PRDX2: variants seen among roughly 807,000 people sequenced by gnomAD.
PRDX2 encodes the protein peroxiredoxin 2.
A neutral mutation model predicts 19.8 loss-of-function variants in PRDX2; 10 were observed. The observed-to-expected ratio is 0.50, with a 90% CI of 0.31 to 0.86. The LOEUF (loss-of-function observed/expected upper bound fraction) is 0.86. PRDX2 is among the 40% of genes least tolerant of loss of function. The probability of loss-of-function intolerance (pLI) is 0.04; values close to 1 mark genes in which losing one functional copy is unlikely to be tolerated. For synonymous variants in PRDX2, 118 were observed against 108.2 expected (o/e 1.09, Z -0.56); for missense variants, 226 against 260.1 (o/e 0.87, Z 0.90).
chr19:12,801,014 G>C lies in PRDX2; in HGVS notation c.159C>G (p.Thr53=). The change falls in exon 3 of 6, where the codon ACC becomes ACG. Residue 53 remains threonine, a synonymous_variant. Coordinates refer to ENST00000301522, the MANE Select transcript of PRDX2 (RefSeq NM_005809.6). ...CACGGTTGCTGAACGCGATGATCTC[G>C]GTGGGGCACACAAAAGTGAAGTCCA... The part of the protein sequence containing the change: ...YPLDFTFVCP[T]EIIAFSNRAE... 1.9e-6 allele frequency: 3 copies of C among 1,612,324 alleles called. No individual in the cohort carries two copies. The highest frequency in any genetic ancestry group is 2.5e-6 in the Non-Finnish European group (3 of 1,179,350).
chr19:12,800,673 A>G, intron 3 of PRDX2: 1 of 1,437,842 alleles, frequency 7.0e-7, no homozygotes, highest in Non-Finnish European at 9.2e-7. Flanking sequence ...CCTCCTGGGA[A>G]CTAAGTACAT....
chr19:12,801,401 G>A (rs1308671689), intron 1 of PRDX2, 131 bp from the exon 2 acceptor site: 53 of 998,702 alleles, frequency 5.3e-5, no homozygotes, highest in Non-Finnish European at 7.6e-5. Context: ...ACCCTCCCGG[G>A]TACCCGGTCT....
In PRDX2 at chr19:12,799,920, G is replaced by A. The variant is rs751749262; in HGVS notation, c.450C>T (p.Arg150=). The change falls in exon 5 of 6, where the codon CGC becomes CGT. Residue 150 remains arginine, a synonymous_variant. Transcript: ENST00000301522. ...CCAGCCGCAGAGCCTCATCCACGGA[G>A]CGTCCCACAGGCAAATCATTAACAG... is the stretch of plus-strand genomic sequence containing the variant. ...QITVNDLPVG[R]SVDEALRLVQ... 15 of 1,613,778 alleles carry A rather than the reference G, an allele frequency of 9.3e-6. No homozygotes were observed. Among genetic ancestry groups the A allele is most frequent in the Non-Finnish European group, 1.3e-5 (15 of 1,179,980 alleles).
At chr19:12,800,337 C>T in intron 3 of PRDX2, 38 bp from the exon 4 acceptor site, 2 of 1,596,260 alleles carry the variant, frequency 1.3e-6, no homozygotes, top group Non-Finnish European at 1.7e-6. Flanking sequence ...CCTCAGGATG[C>T]CTGGCACAGC....
rs760367085 is a variant in PRDX2 at position 12,801,172 on chromosome 19, C to A, written c.90G>T (p.Leu30=). 6.2e-7 allele frequency: 1 copy of A among 1,614,044 alleles called. No homozygotes were observed. Among genetic ancestry groups the A allele is most frequent in the East Asian group, 2.2e-5 (1 of 44,886 alleles). The part of the protein sequence containing the change: ...VVDGAFKEVK[L]SDYKGKYVVL... ...GGCGGCGCTCACCTTTGTAGTCCGA[C>A]AGCTTCACCTCTTTGAAGGCGCCAT... is the stretch of plus-strand genomic sequence containing the variant. The change falls in exon 2 of 6, where the codon CTG becomes CTT. Residue 30 remains leucine (L), a synonymous_variant. Coordinates refer to ENST00000301522, the MANE Select transcript of PRDX2 (RefSeq NM_005809.6).
intron 1 of PRDX2, 126 bp downstream of exon 1, chr19:12,801,614 C>G: frequency 2.5e-6 from 1 of 402,608 alleles, no homozygotes; most frequent in Non-Finnish European, 4.6e-6. Context: ...GCCTCGGTTT[C>G]CCCCGCAAGG....
chr19:12,798,236 A>C (rs1300995990), intron 5 of PRDX2, among the ~76,000 whole-genome samples: 1 of 151,828 alleles, frequency 6.6e-6, no homozygotes, highest in Non-Finnish European at 1.5e-5. Context: ...TAGTAGAGAC[A>C]GGGTTTCACC....
chr19:12,800,691 A>G, intron 3 of PRDX2: 1 of 1,463,690 alleles, frequency 6.8e-7, no homozygotes, highest in South Asian at 1.4e-5. Flanking sequence ...CATAGAGTAG[A>G]TAGAGTTGCA....
At chr19:12,799,705 C>A in intron 5 of PRDX2, 154 bp downstream of exon 5, 1 of 1,077,384 alleles carries the variant, frequency 9.3e-7, no homozygotes. Flanking sequence ...TGTCTCCTAC[C>A]ACATTAGAAA....
At chr19:12,798,454 C>G (rs1480527068) in intron 5 of PRDX2, among the ~76,000 whole-genome samples, 1 of 151,542 alleles carries the variant, frequency 6.6e-6, no homozygotes, top group Admixed American at 6.6e-5. Context: ...CAGCTTCAAA[C>G]GATTCTCTTG....
Position 12,800,031 on chromosome 19 carries a change from A to G in PRDX2, c.381-42T>C, listed in dbSNP as rs1238927562. The G allele has an allele frequency of 1.9e-6, 3 of 1,607,932 alleles. No individual in the cohort carries two copies. In the African/African-American group the frequency reaches 4.0e-5, roughly 22 times the overall value. On this transcript the variant is annotated intron_variant, in intron 4 of 5. Coordinates refer to ENST00000301522, the MANE Select transcript of PRDX2 (RefSeq NM_005809.6). Reference sequence around the variant, plus strand: ...TCCCAGTGAGGAGCTGATAGCTCCCACTGCCAGAGACAAGGAAGGGACTAC... The same window carrying G: ...TCCCAGTGAGGAGCTGATAGCTCCCGCTGCCAGAGACAAGGAAGGGACTAC...
intron 3 of PRDX2, chr19:12,800,678 G>A: frequency 1.4e-6 from 2 of 1,447,292 alleles, no homozygotes; most frequent in Non-Finnish European, 1.8e-6. Flanking sequence ...TGGGAACTAA[G>A]TACATAGAGT....
intron 5 of PRDX2, among the ~76,000 whole-genome samples, chr19:12,797,474 C>A (rs1968810933): frequency 6.6e-6 from 1 of 151,878 alleles, no homozygotes; most frequent in Non-Finnish European, 1.5e-5. Flanking sequence ...AGGTGCACCA[C>A]CACGCCTGGC....
chr19:12,798,731 C>T (rs1968837597), intron 5 of PRDX2, among the ~76,000 whole-genome samples: 1 of 148,248 alleles, frequency 6.7e-6, no homozygotes, highest in Non-Finnish European at 1.5e-5. Flanking sequence ...GCTATGTTGC[C>T]TAGGCTCGAC....
intron 5 of PRDX2, 105 bp from the exon 6 acceptor site, chr19:12,797,271 C>A (rs1285725897): frequency 2.2e-6 from 2 of 899,508 alleles, no homozygotes; most frequent in African/African-American, 1.7e-5. Context: ...GCAAGTGGTC[C>A]AGGCCCAGGA....
At chr19:12,798,036 T>C (rs1248736552) in intron 5 of PRDX2, among the ~76,000 whole-genome samples, 1 of 151,692 alleles carries the variant, frequency 6.6e-6, no homozygotes, top group Non-Finnish European at 1.5e-5. Context: ...CTCTCCTTTT[T>C]CTTCTTTTTT....
At chr19:12,799,768 T>A in intron 5 of PRDX2, 91 bp downstream of exon 5, 1 of 1,520,960 alleles carries the variant, frequency 6.6e-7, no homozygotes, top group Non-Finnish European at 8.9e-7. Context: ...CTAACACCCA[T>A]CTGGACAGGT....
chr19:12,799,959 G>A lies in PRDX2; in HGVS notation c.411C>T (p.Val137=), dbSNP rs749147781. 5.0e-6 allele frequency: 8 copies of A among 1,613,864 alleles called. No individual in the cohort carries two copies. Among genetic ancestry groups the A allele is most frequent in the Non-Finnish European group, 6.8e-6 (8 of 1,179,962 alleles). ...RGLFIIDGKG[V]LRQITVNDLP... Reference sequence around the variant, plus strand: ...AATCATTAACAGTGATCTGGCGAAGGACACCCTTGCCATCGATGATAAAGA... The same window carrying A: ...AATCATTAACAGTGATCTGGCGAAGAACACCCTTGCCATCGATGATAAAGA... Residue 137 remains valine (V), a synonymous_variant, in exon 5 of 6, where the codon GTC becomes GTT. Transcript: ENST00000301522.
Position 12,801,255 on chromosome 19 carries a change from A to C in PRDX2, c.7T>G (p.Ser3Ala), listed in dbSNP as rs1968892380. 1.2e-5 allele frequency: 19 copies of C among 1,612,710 alleles called. No homozygotes were observed. The highest frequency in any genetic ancestry group is 1.6e-5 in the Non-Finnish European group (19 of 1,179,484). Residue 3 changes from serine (S) to alanine (A), a missense_variant, in exon 2 of 6, where the codon TCC becomes GCC. By Grantham distance (99) the Ser-to-Ala change is moderately conservative. Coordinates refer to ENST00000301522, the MANE Select transcript of PRDX2 (RefSeq NM_005809.6). MA[S>A]GNARIGKPAP... ...GGCTTTCCGATGCGCGCGTTACCGG[A>C]GGCCATGACTGAAAGCTGAGACCCC...
Sources: gnomAD v4.1 joint callset for allele counts (sites outside exome capture counted in the v4.1 genomes callset) on GRCh38, gnomAD v4.1.1 for gene constraint, MANE v1.5 for transcripts, NCBI Gene and HGNC (gene_info 2026-07-23, HGNC 2026-07-21) for gene names.